RSRC2: variants seen among roughly 807,000 people sequenced by gnomAD.
RSRC2 encodes arginine/serine-rich coiled-coil protein 2.
A neutral mutation model predicts 61.3 loss-of-function variants in RSRC2; 5 were observed. The observed-to-expected ratio is 0.08, with a 90% confidence interval of 0.04 to 0.17. The LOEUF (loss-of-function observed/expected upper bound fraction) is 0.17, where lower values mean the gene tolerates loss of function less well. RSRC2 is among the 10% of genes least tolerant of loss of function. The pLI is 1.00. For missense variants in RSRC2, 381 were observed against 518.8 expected, an observed-to-expected ratio of 0.73 and a Z score of 2.58; for synonymous variants, 202 against 166.5, an observed-to-expected ratio of 1.21 and a Z score of -1.64.
intron 5 of RSRC2, among the ~76,000 whole-genome samples, chr12:122,516,143 C>T (rs1452927161): frequency 6.6e-6 from 1 of 151,990 alleles, no homozygotes; most frequent in Non-Finnish European, 1.5e-5. Context: ...TCATAAAAAC[C>T]AAGTTACTGT....
rs578066825 is a variant in RSRC2, at chr12:122,526,903, C to A, written c.-50G>T. 8 of 1,610,742 alleles carry A rather than the reference C, an allele frequency of 5.0e-6. No individual in the cohort carries two copies. In the South Asian group the frequency reaches 8.8e-5, roughly 18 times the overall value. On this transcript the variant is annotated 5_prime_UTR_variant, in exon 1 of 10. Coordinates refer to ENST00000331738, the MANE Select transcript of RSRC2 (RefSeq NM_023012.6). ...CGGCGCCTCCACTTGTCGCTTTCAA[C>A]AGTACCGGCCGCTCCGAAGCTTCGC...
rs1958044626 is a variant in RSRC2, at chr12:122,505,230, A to G, written c.*297T>C. 2 of 265,146 alleles carry G rather than the reference A, an allele frequency of 7.5e-6. No homozygotes were observed. Among genetic ancestry groups the G allele is most frequent in the African/African-American group, 4.4e-5 (2 of 45,108 alleles). 16.4% of individuals were successfully genotyped at this position (265,146 alleles called of 1,614,324 possible). A position where few individuals can be genotyped will look rare whatever the true frequency, so the allele number is the denominator to read the frequency against. On this transcript the variant is annotated 3_prime_UTR_variant, in exon 10 of 10. Transcript: ENST00000331738. The stretch of plus-strand genomic sequence containing the variant: ...TACACAAGACAGCGGACACGAAAAA[A>G]TCCATGTATGAGATTTTATCCCCAC...
In RSRC2 at chr12:122,505,446, A is replaced by G. The variant is rs1343460916; in HGVS notation, c.*81T>C. 1 of 1,274,498 alleles carries G rather than the reference A, an allele frequency of 7.8e-7. No individual in the cohort carries two copies. The highest frequency in any genetic ancestry group is 1.1e-6 in the Non-Finnish European group (1 of 904,628). The allele number at this position is 1,274,498 out of a possible 1,614,324, so 78.9% of individuals were successfully genotyped here. ...TCAATGCAACACCCATGCAAGCTAG[A>G]GTGCTAGCTGTTTGGTGAACAAGGA... is the stretch of plus-strand genomic sequence containing the variant. On this transcript the variant is annotated 3_prime_UTR_variant, in exon 10 of 10. Transcript: ENST00000331738.
intron 8 of RSRC2, 81 bp from the exon 9 acceptor site, chr12:122,507,004 T>TAAA: frequency 5.0e-6 from 3 of 594,432 alleles, no homozygotes; most frequent in Admixed American, 3.0e-5. Context: ...ATGTCTAAAT[T>TAAA]AAAAAAAAAA....
At chr12:122,511,343 A>G (rs1958493851) in intron 6 of RSRC2, among the ~76,000 whole-genome samples, 155 bp from the exon 7 acceptor site, 1 of 152,208 alleles carries the variant, frequency 6.6e-6, no homozygotes, top group Non-Finnish European at 1.5e-5. Flanking sequence ...AGAAAAAGCA[A>G]TCATTCTTAA....
At chr12:122,518,602 A>AC (rs1175242879) in intron 4 of RSRC2, among the ~76,000 whole-genome samples, 2 of 151,540 alleles carry the variant, frequency 1.3e-5, no homozygotes, top group East Asian at 3.9e-4. Flanking sequence ...CAAAAAAAAA[A>AC]AAGGGAAAAG....
intron 6 of RSRC2, among the ~76,000 whole-genome samples, chr12:122,513,600 G>A (rs1958693998): frequency 6.6e-6 from 1 of 152,144 alleles, no homozygotes; most frequent in Non-Finnish European, 1.5e-5. Flanking sequence ...CAGAGTTAAT[G>A]AAATTACAAT....
Position 122,525,807 on chromosome 12 carries a change from T to TAAAGGAACAAGGTCAGTGACAAGAC in RSRC2, c.6+1040_6+1041insGTCTTGTCACTGACCTTGTTCCTTT, listed in dbSNP as rs1444634214. On this transcript the variant is annotated intron_variant, in intron 1 of 9. Transcript: ENST00000331738. ...CCTCTGGGGTCAACGAAGAGTTTTT[T>TAAAGGAACAAGGTCAGTGACAAGAC]TTTTTTTTTTTTTTTTTTTTTTTTT... Among the ~76,000 whole-genome samples the TAAAGGAACAAGGTCAGTGACAAGAC allele has an allele frequency of 1.3e-3, 8 of 6,010 alleles. No individual in the cohort carries two copies. In the South Asian group the frequency reaches 0.032, roughly 24 times the overall value. 3.9% of individuals were successfully genotyped at this position (6,010 alleles called of 152,430 possible).
chr12:122,521,082 G>C (rs528750959), intron 3 of RSRC2: 2 of 292,966 alleles, frequency 6.8e-6, no homozygotes, highest in Non-Finnish European at 1.3e-5. Flanking sequence ...CAGGAGACTC[G>C]GGACCTCAGA....
chr12:122,525,369 T>C (rs963192490), intron 1 of RSRC2, among the ~76,000 whole-genome samples: 24 of 151,684 alleles, frequency 1.6e-4, no homozygotes, highest in Non-Finnish European at 8.8e-5. Flanking sequence ...AGAGCAAAAC[T>C]CCGTCTCGAA....
intron 7 of RSRC2, among the ~76,000 whole-genome samples, chr12:122,509,515 C>T (rs1196562788): frequency 6.6e-6 from 1 of 151,566 alleles, no homozygotes; most frequent in Non-Finnish European, 1.5e-5. Context: ...AGGTATTATG[C>T]TAAGTCCAAG....
chr12:122,526,782 C>G, intron 1 of RSRC2, 66 bp downstream of exon 1: 1 of 1,575,398 alleles, frequency 6.3e-7, no homozygotes, highest in South Asian at 1.1e-5. Context: ...TTCTGGGAGC[C>G]GTTCACCCAC....
rs1958028410 is a variant in RSRC2 at position 122,504,940 on chromosome 12, A to G, written c.*587T>C. On this transcript the variant is annotated 3_prime_UTR_variant, in exon 10 of 10. Transcript: ENST00000331738. The stretch of plus-strand genomic sequence containing the variant: ...TGTAGTATAGTTAACTGGCCTTAAA[A>G]AGGGTGGTGGGGAGGGGATTTCTAG... 6.6e-6 allele frequency: 1 copy of G among 152,650 alleles called. No individual in the cohort carries two copies. Among genetic ancestry groups the G allele is most frequent in the Non-Finnish European group, 1.5e-5 (1 of 68,058 alleles). The allele number at this position is 152,650 out of a possible 1,614,324, so 9.5% of individuals were successfully genotyped here. A position where few individuals can be genotyped will look rare whatever the true frequency, so the allele number is the denominator to read the frequency against.
chr12:122,512,749 G>GA (rs58923703), intron 6 of RSRC2, among the ~76,000 whole-genome samples: 82 of 142,770 alleles, frequency 5.7e-4, no homozygotes, highest in East Asian at 1.4e-3. Context: ...AGAGGAAAAG[G>GA]AAAAAAAAAA....
chr12:122,508,018 G>C, intron 8 of RSRC2, 200 bp downstream of exon 8: 1 of 623,954 alleles, frequency 1.6e-6, no homozygotes, highest in Non-Finnish European at 2.9e-6. Flanking sequence ...TGGCCAGGCT[G>C]GTCTTGGACT....
intron 3 of RSRC2, chr12:122,520,315 T>A (rs1959178967): frequency 3.0e-6 from 1 of 336,406 alleles, no homozygotes; most frequent in African/African-American, 2.2e-5. Flanking sequence ...AAAAGAAATT[T>A]TCCTTGGTTT....
At chr12:122,514,774 A>T (rs1410067546) in intron 6 of RSRC2, 2 of 1,061,980 alleles carry the variant, frequency 1.9e-6, no homozygotes, top group Non-Finnish European at 2.5e-6. Context: ...GTCATCTTAG[A>T]TGAGAAAATA....
intron 1 of RSRC2, among the ~76,000 whole-genome samples, chr12:122,526,496 C>CT (rs1960457953): frequency 6.6e-6 from 1 of 152,024 alleles, no homozygotes; most frequent in Admixed American, 6.5e-5. Flanking sequence ...TCCCCAGCCC[C>CT]TTTCTCCACC....
chr12:122,526,194 T>A (rs1238759409), intron 1 of RSRC2: 1 of 152,324 alleles, frequency 6.6e-6, no homozygotes. Flanking sequence ...GACTTCAAAT[T>A]GATTACATCA....
Sources: gnomAD v4.1 joint callset for allele counts (sites outside exome capture counted in the v4.1 genomes callset) on GRCh38, gnomAD v4.1.1 for gene constraint, MANE v1.5 for transcripts, NCBI Gene and HGNC (gene_info 2026-07-23, HGNC 2026-07-21) for gene names.